PITPNM3: variants seen among roughly 807,000 people sequenced by gnomAD.
The protein encoded by PITPNM3 is membrane-associated phosphatidylinositol transfer protein 3.
A neutral mutation model predicts 102.0 loss-of-function variants in PITPNM3; 26 were observed. That is an observed-to-expected ratio of 0.25 (90% CI 0.19 to 0.35). The LOEUF (loss-of-function observed/expected upper bound fraction) is 0.35, where lower values mean the gene tolerates loss of function less well. PITPNM3 is among the 10% of genes least tolerant of loss of function. The probability of loss-of-function intolerance (pLI) is 1.00; values close to 1 mark genes in which losing one functional copy is unlikely to be tolerated. For synonymous variants in PITPNM3, 578 were observed against 558.6 expected, an observed-to-expected ratio of 1.03 and a Z score of -0.49; for missense variants, 1,083 against 1,346.1, an observed-to-expected ratio of 0.80 and a Z score of 3.06.
intron 4 of PITPNM3, among the ~76,000 whole-genome samples, chr17:6,502,310 G>T (rs1203417673): frequency 6.6e-6 from 1 of 152,164 alleles, no homozygotes; most frequent in Non-Finnish European, 1.5e-5. Context: ...AAAATTACCC[G>T]GGCATGGTGG....
intron 3 of PITPNM3, among the ~76,000 whole-genome samples, chr17:6,506,725 G>C (rs1907533843): frequency 1.3e-5 from 2 of 152,166 alleles, no homozygotes; most frequent in Admixed American, 6.5e-5. Context: ...TGAGGGATGA[G>C]TGCAGGCCCT....
At chr17:6,540,563 C>G in intron 1 of PITPNM3, among the ~76,000 whole-genome samples, 1 of 152,282 alleles carries the variant, frequency 6.6e-6, no homozygotes, top group Middle Eastern at 3.4e-3. Flanking sequence ...ATTATTGCGG[C>G]TCTCTTTTGT....
At chr17:6,484,175 CCT>C in intron 5 of PITPNM3, 39 bp downstream of exon 5, 1 of 1,535,832 alleles carries the variant, frequency 6.5e-7, no homozygotes, top group African/African-American at 1.4e-5. Flanking sequence ...AAAATCCTGG[CCT>C]CTGAGTTGAG....
rs906844251 is a variant in PITPNM3 at position 6,537,772 on chromosome 17, G to A, written c.118+215C>T. 3.3e-5 allele frequency among the ~76,000 whole-genome samples: 5 copies of A among 152,170 alleles called. No homozygotes were observed. The highest frequency in any genetic ancestry group is 1.9e-4 in the East Asian group (1 of 5,186). ...ATCCCTGGCACCTAGCAGAGTTCCC[G>A]GCACATGTGAGGGGTTCAGCAAATA... On this transcript the variant is annotated intron_variant, in intron 2 of 19. Transcript: ENST00000262483. The surrounding 1 kb of genome is among the most constrained non-coding windows in gnomAD (Gnocchi z 4.4).
At position 6,455,527 on chromosome 17, in the gene PITPNM3, C is replaced by T. The variant is rs746659427; in HGVS notation, c.2736G>A (p.Ala912=). ...TGCGCTTCCGCAGGAACTCTGGCTGCGCGTGCAGCCCGAAGCTGCCCTTGC... is the reference window on the plus strand; with the variant it reads ...TGCGCTTCCGCAGGAACTCTGGCTGTGCGTGCAGCCCGAAGCTGCCCTTGC... ...ILRKGSFGLH[A]QPEFLRKRNH... Residue 912 remains alanine, a synonymous_variant, in exon 20 of 20, where the codon GCG becomes GCA. Transcript: ENST00000262483. 1.2e-6 allele frequency: 2 copies of T among 1,604,992 alleles called. No homozygotes were observed. The highest frequency in any genetic ancestry group is 1.7e-5 in the Admixed American group (1 of 59,928).
chr17:6,546,009 C>G (rs1910003405), intron 1 of PITPNM3, among the ~76,000 whole-genome samples: 1 of 152,214 alleles, frequency 6.6e-6, no homozygotes, highest in Admixed American at 6.5e-5. Flanking sequence ...GAGGGAATGT[C>G]CTCAGGCTTC....
intron 3 of PITPNM3, among the ~76,000 whole-genome samples, chr17:6,505,193 A>ATATATATATATATATATATATATATATAT (rs1198801942): frequency 9.7e-5 from 7 of 72,260 alleles, no homozygotes; most frequent in African/African-American, 3.2e-4. Context: ...GAAGACAAAT[A>ATATATATATATATATATATATATATATAT]AAATATATAT....
At position 6,455,318 on chromosome 17, in the gene PITPNM3, C is replaced by T; in HGVS notation, c.*20G>A. On this transcript the variant is annotated 3_prime_UTR_variant, in exon 20 of 20. Coordinates refer to ENST00000262483, the MANE Select transcript of PITPNM3 (RefSeq NM_031220.4). ...GCCTGATTGGGCCCCCCGCTCCCTG[C>T]TCTGAGCACAGCCCACCCCTCAGGG... The T allele has an allele frequency of 6.4e-7, 1 of 1,559,676 alleles. No homozygotes were observed. Among genetic ancestry groups the T allele is most frequent in the Non-Finnish European group, 8.7e-7 (1 of 1,155,274 alleles).
intron 4 of PITPNM3, among the ~76,000 whole-genome samples, chr17:6,490,754 G>A (rs1376725170): frequency 2.6e-5 from 4 of 151,492 alleles, no homozygotes; most frequent in Admixed American, 1.3e-4. Flanking sequence ...TCAGGAGTTC[G>A]AGACCAGCCC....
Position 6,464,314 on chromosome 17 carries a change from T to C in PITPNM3, c.2012A>G (p.Asp671Gly), listed in dbSNP as rs1433472962. 1 of 1,613,666 alleles carries C rather than the reference T, an allele frequency of 6.2e-7. No homozygotes were observed. Among genetic ancestry groups the C allele is most frequent in the Admixed American group, 1.7e-5 (1 of 60,020 alleles). Residue 671 changes from aspartate (D) to glycine (G), a missense_variant, in exon 16 of 20, where the codon GAC (aspartate) becomes GGC (glycine). By Grantham distance (94) the Asp-to-Gly change is moderately conservative. Transcript: ENST00000262483. Reference sequence around the variant, plus strand: ...GGATGGCTCTGCCATTACTAGGATGTCCACCTGCGGCAGTGAAGGGGGTCA... The same window carrying C: ...GGATGGCTCTGCCATTACTAGGATGCCCACCTGCGGCAGTGAAGGGGGTCA... ...DMVALTGEKV[D>G]ILVMAEPSSG...
intron 3 of PITPNM3, among the ~76,000 whole-genome samples, chr17:6,507,089 G>C (rs1350769611): frequency 6.6e-6 from 1 of 152,116 alleles, no homozygotes; most frequent in Non-Finnish European, 1.5e-5. Context: ...CCAGGCTCTG[G>C]CTTGGAGGGA....
chr17:6,493,994 T>C (rs903179166), intron 4 of PITPNM3, among the ~76,000 whole-genome samples: 20 of 152,320 alleles, frequency 1.3e-4, no homozygotes, highest in African/African-American at 4.1e-4. Flanking sequence ...TAGAGGGACA[T>C]GAAATCCCAA....
intron 4 of PITPNM3, among the ~76,000 whole-genome samples, chr17:6,492,869 TAATAA>T (rs1906578587): frequency 6.8e-6 from 1 of 147,916 alleles, no homozygotes; most frequent in Non-Finnish European, 1.5e-5. Context: ...AAAAATAAAA[TAATAA>T]AATAAAATAA....
rs906606095 is a variant in PITPNM3, at chr17:6,472,100, G to A, written c.1429+557C>T. ...TGTCCATTACAGGTCTCCCATCGAC[G>A]ATACACTCGGTCCATGCCCGGTTCA... On this transcript the variant is annotated intron_variant, in intron 11 of 19. Transcript: ENST00000262483. The surrounding 1 kb of genome is among the most constrained non-coding windows in gnomAD (Gnocchi z 4.1). Among the ~76,000 whole-genome samples the A allele has an allele frequency of 9.2e-5, 14 of 152,144 alleles. No homozygotes were observed. The highest frequency in any genetic ancestry group is 2.7e-4 in the African/African-American group (11 of 41,438).
intron 4 of PITPNM3, among the ~76,000 whole-genome samples, chr17:6,488,858 T>C (rs1906254619): frequency 6.6e-6 from 1 of 152,154 alleles, no homozygotes; most frequent in Non-Finnish European, 1.5e-5. Flanking sequence ...TGTTTGCATG[T>C]CCCTATTCAG....
chr17:6,540,027 A>G (rs1437019689), intron 1 of PITPNM3, among the ~76,000 whole-genome samples: 1 of 152,232 alleles, frequency 6.6e-6, no homozygotes, highest in Non-Finnish European at 1.5e-5. Context: ...TGCACGGTTT[A>G]GATCCATCCG....
Position 6,519,181 on chromosome 17 carries a change from C to CAAAAAA in PITPNM3, c.226+6169_226+6174dup, listed in dbSNP as rs1490830877. Among the ~76,000 whole-genome samples, 131 of 72,310 alleles carry CAAAAAA rather than the reference C, an allele frequency of 1.8e-3. 6 individuals are homozygous for CAAAAAA. The highest frequency in any genetic ancestry group is 8.6e-3 in the Middle Eastern group (1 of 116). 47.4% of individuals were successfully genotyped at this position (72,310 alleles called of 152,430 possible). The stretch of plus-strand genomic sequence containing the variant: ...TGAAACCCCGTCTCTACTAAAAATA[C>CAAAAAA]AAAAAATTAGCCGGGCGCGGTGGCG... On this transcript the variant is annotated intron_variant, in intron 3 of 19. Coordinates refer to ENST00000262483, the MANE Select transcript of PITPNM3 (RefSeq NM_031220.4).
chr17:6,460,990 C>T (rs189657744), intron 18 of PITPNM3: 3 of 333,558 alleles, frequency 9.0e-6, no homozygotes, highest in African/African-American at 2.2e-5. Context: ...AAAGCACATC[C>T]GGGTCACGGA....
In PITPNM3 at chr17:6,453,129, CTCTCTCTCTCTCTCCCTCTCTCTCTT is replaced by C. The variant is rs1477558303; in HGVS notation, c.*2183_*2208del. 24 of 129,166 alleles carry C rather than the reference CTCTCTCTCTCTCTCCCTCTCTCTCTT, an allele frequency of 1.9e-4. No individual in the cohort carries two copies. Among genetic ancestry groups the C allele is most frequent in the African/African-American group, 7.5e-4 (20 of 26,720 alleles). 8.0% of individuals were successfully genotyped at this position (129,166 alleles called of 1,614,324 possible). On this transcript the variant is annotated 3_prime_UTR_variant, in exon 20 of 20. Coordinates refer to ENST00000262483, the MANE Select transcript of PITPNM3 (RefSeq NM_031220.4). The stretch of plus-strand genomic sequence containing the variant: ...TCTCTCTCTCTTTCTCTCTCCCTCT[CTCTCTCTCTCTCTCCCTCTCTCTCTT>C]TCTCTCTCCCTCTCCCTCTCTCGCC...
Sources: allele counts gnomAD v4.1 joint callset (sites outside exome capture counted in the v4.1 genomes callset), GRCh38; gene constraint gnomAD v4.1.1; non-coding constraint Gnocchi (gnomAD v3.1); transcripts MANE v1.5; gene names NCBI Gene and HGNC (gene_info 2026-07-23, HGNC 2026-07-21).